Variants in LPIN1 observed in about 807,000 individuals in gnomAD.
LPIN1 encodes the protein lipin 1, also known as phosphatidate phosphatase LPIN1.
LPIN1 carries 71 observed loss-of-function variants against 107.5 expected under a neutral mutation model. The observed-to-expected ratio is 0.66, with a 90% CI of 0.55 to 0.80. The LOEUF is 0.80. LPIN1 is among the 30% of genes least tolerant of loss of function. The probability of loss-of-function intolerance (pLI) is 0.00; values close to 1 mark genes in which losing one functional copy is unlikely to be tolerated. For synonymous variants in LPIN1, 445 were observed against 452.6 expected, an observed-to-expected ratio of 0.98 and a Z score of 0.21; for missense variants, 1,043 against 1,160.6, an observed-to-expected ratio of 0.90 and a Z score of 1.47.
intron 1 of LPIN1, among the ~76,000 whole-genome samples, chr2:11,695,318 G>A (rs7556803): frequency 0.13 from 19,846 of 152,184 alleles, 3,833 homozygotes; most frequent in African/African-American, 0.42. Flanking sequence ...CCAGGGATTC[G>A]GACAGGGAAG....
rs1662665193 is a variant in LPIN1, at chr2:11,697,827, G to A, written c.82-15929G>A. ...CCCTCCTCCCCATCTCACCAGGCCA[G>A]GGAACAAGCCCTACCGCACATTACA... On this transcript the variant is annotated intron_variant, in intron 1 of 21. Coordinates refer to the LPIN1 transcript ENST00000449576. This position sits in a 1 kb window ranked among gnomAD's most constrained non-coding sequence, Gnocchi z 4.6. 6.6e-6 allele frequency among the ~76,000 whole-genome samples: 1 copy of A among 152,136 alleles called. No individual in the cohort carries two copies. Among genetic ancestry groups the A allele is most frequent in the Admixed American group, 6.6e-5 (1 of 15,266 alleles).
At chr2:11,791,073 T>C (rs1675640345) in intron 12 of LPIN1, among the ~76,000 whole-genome samples, 1 of 152,204 alleles carries the variant, frequency 6.6e-6, no homozygotes, top group African/African-American at 2.4e-5. Flanking sequence ...ATTTATGAGC[T>C]GGATGTGAGT....
At chr2:11,691,509 T>G (rs780549240) in intron 1 of LPIN1, among the ~76,000 whole-genome samples, 1 of 152,188 alleles carries the variant, frequency 6.6e-6, no homozygotes, top group Non-Finnish European at 1.5e-5. Context: ...ATTACCTCTT[T>G]CCAGGCCAGA....
At chr2:11,738,964 T>A (rs555998790) in intron 1 of LPIN1, among the ~76,000 whole-genome samples, 1 of 152,166 alleles carries the variant, frequency 6.6e-6, no homozygotes, top group Non-Finnish European at 1.5e-5. Flanking sequence ...TAGAAATAGA[T>A]CCCTAAATTA....
At chr2:11,687,323 C>T (rs910772077) in intron 1 of LPIN1, among the ~76,000 whole-genome samples, 19 of 152,180 alleles carry the variant, frequency 1.2e-4, no homozygotes, top group Non-Finnish European at 7.3e-5. Context: ...TGTTTTTCAT[C>T]ATGCTTCTTG....
chr2:11,742,652 G>A (rs1445595346), upstream of LPIN1, among the ~76,000 whole-genome samples: 1 of 152,180 alleles, frequency 6.6e-6, no homozygotes, highest in African/African-American at 2.4e-5. Flanking sequence ...GTCATGTTGA[G>A]GTCTCTTTCC....
chr2:11,739,059 C>G (rs866531630), intron 1 of LPIN1, among the ~76,000 whole-genome samples: 1 of 152,214 alleles, frequency 6.6e-6, no homozygotes, highest in Non-Finnish European at 1.5e-5. Context: ...TTCTAAAGGA[C>G]AGAATGTGGT....
At chr2:11,722,765 GT>G (rs369173735), upstream of LPIN1, among the ~76,000 whole-genome samples, 12 of 152,272 alleles carry the variant, frequency 7.9e-5, no homozygotes, top group African/African-American at 2.6e-4. Context: ...GCAAGTGGAT[GT>G]TTTTTAGCTC....
At chr2:11,752,642 G>A (rs368507720) in intron 1 of LPIN1, among the ~76,000 whole-genome samples, 2 of 150,944 alleles carry the variant, frequency 1.3e-5, no homozygotes, top group Admixed American at 6.6e-5. Context: ...CGTTTTAGCC[G>A]GGATGGTCTC....
At chr2:11,810,169 T>C (rs1679407821) in intron 17 of LPIN1, among the ~76,000 whole-genome samples, 1 of 152,018 alleles carries the variant, frequency 6.6e-6, no homozygotes, top group Non-Finnish European at 1.5e-5. Context: ...TGTGGTCTTG[T>C]GGGAGGAGAC....
At chr2:11,712,875 G>A (rs769798783) in intron 1 of LPIN1, among the ~76,000 whole-genome samples, 2 of 152,224 alleles carry the variant, frequency 1.3e-5, no homozygotes, top group Non-Finnish European at 2.9e-5. Context: ...AAGGACTACT[G>A]CATATGTCCT....
In LPIN1 at chr2:11,771,507, C is replaced by T. The variant is rs373506318; in HGVS notation, c.424C>T (p.Pro142Ser). The change falls in exon 4 of 21, where the codon CCC becomes TCC. Residue 142 changes from proline to serine, a missense_variant. Coordinates refer to ENST00000674199, the MANE Select transcript of LPIN1 (RefSeq NM_001349206.2). This position sits in a 1 kb window ranked among gnomAD's most constrained non-coding sequence, Gnocchi z 4.8. Reference protein sequence around the residue: ...DPSTPAQVIAPSETPSSSSVV... With the variant: ...DPSTPAQVIASSETPSSSSVV... ...CAGCACGCCAGCCCAAGTGATCGCT[C>T]CCAGCGAGACGCCGTCAAGCAGCTC... The T allele has an allele frequency of 6.2e-7, 1 of 1,614,024 alleles. No homozygotes were observed. The highest frequency in any genetic ancestry group is 1.3e-5 in the African/African-American group (1 of 74,906).
chr2:11,753,244 C>T (rs1558805127), intron 1 of LPIN1, among the ~76,000 whole-genome samples: 1 of 152,218 alleles, frequency 6.6e-6, no homozygotes, highest in Non-Finnish European at 1.5e-5. Context: ...GCTGTTTTTG[C>T]TCTTTCATCA....
chr2:11,699,744 G>A (rs180799525), intron 1 of LPIN1, among the ~76,000 whole-genome samples: 3 of 152,094 alleles, frequency 2.0e-5, no homozygotes, highest in Admixed American at 6.6e-5. Context: ...CTGAATCTGG[G>A]GCTGCTTTTA....
chr2:11,752,464 C>T lies in LPIN1; in HGVS notation c.-10+5793C>T, dbSNP rs564099139. Among the ~76,000 whole-genome samples the T allele has an allele frequency of 2.9e-3, 250 of 87,238 alleles. 4 individuals carry two copies. In the African/African-American group the frequency reaches 0.03, roughly 10 times the overall value. 57.2% of individuals were successfully genotyped at this position (87,238 alleles called of 152,430 possible). A position where few individuals can be genotyped will look rare whatever the true frequency, so the allele number is the denominator to read the frequency against. Reference sequence around the variant, plus strand: ...TTTTTTTTTTTGAGACGGAGTCTCGCTCTGTCGCCCAGGCTGGAGTGCAGT... The same window carrying T: ...TTTTTTTTTTTGAGACGGAGTCTCGTTCTGTCGCCCAGGCTGGAGTGCAGT... On this transcript the variant is annotated intron_variant, in intron 1 of 20. Coordinates refer to ENST00000674199, the MANE Select transcript of LPIN1 (RefSeq NM_001349206.2).
chr2:11,820,631 C>T (rs925785115), intron 20 of LPIN1, 117 bp downstream of exon 20: 1 of 705,732 alleles, frequency 1.4e-6, no homozygotes, highest in Non-Finnish European at 2.5e-6. Flanking sequence ...ATCTGTAATT[C>T]TTATAATGAA....
chr2:11,699,284 C>T (rs1256707461), intron 1 of LPIN1, among the ~76,000 whole-genome samples: 1 of 152,174 alleles, frequency 6.6e-6, no homozygotes, highest in South Asian at 2.1e-4. Flanking sequence ...AATAAATCCA[C>T]ATAAGGACCT....
chr2:11,776,407 G>A (rs1398629149), intron 6 of LPIN1, among the ~76,000 whole-genome samples: 5 of 149,846 alleles, frequency 3.3e-5, no homozygotes, highest in East Asian at 3.9e-4. Context: ...TTTTCCTTTC[G>A]TTATAAGCAT....
chr2:11,716,347 G>A (rs1663739842), intron 2 of LPIN1, among the ~76,000 whole-genome samples: 1 of 152,048 alleles, frequency 6.6e-6, no homozygotes, highest in Admixed American at 6.5e-5. Context: ...CCAAAAATGA[G>A]GAGGAAGGGC....
Sources: allele counts gnomAD v4.1 joint callset (sites outside exome capture counted in the v4.1 genomes callset), GRCh38; gene constraint gnomAD v4.1.1; non-coding constraint Gnocchi (gnomAD v3.1); transcripts MANE v1.5; gene names NCBI Gene and HGNC (gene_info 2026-07-23, HGNC 2026-07-21).